Variants in UNC5B observed in about 807,000 individuals in gnomAD.
UNC5B encodes netrin receptor UNC5B.
A neutral mutation model predicts 103.7 loss-of-function variants in UNC5B; 56 were observed. The observed-to-expected ratio is 0.54, with a 90% CI of 0.44 to 0.67. The LOEUF is 0.67. UNC5B is among the 30% of genes least tolerant of loss of function. The pLI is 0.00. For missense variants in UNC5B, 1,194 were observed against 1,284.5 expected, an observed-to-expected ratio of 0.93 and a Z score of 1.08; for synonymous variants, 577 against 542.0, an observed-to-expected ratio of 1.06 and a Z score of -0.90.
chr10:71,223,901 A>G (rs1843503373), intron 1 of UNC5B, among the ~76,000 whole-genome samples: 1 of 152,190 alleles, frequency 6.6e-6, no homozygotes, highest in Non-Finnish European at 1.5e-5. Flanking sequence ...CTCTATAGCA[A>G]CTGCTACCAG....
intron 1 of UNC5B, among the ~76,000 whole-genome samples, chr10:71,263,024 G>C (rs993083754): frequency 4.6e-5 from 7 of 152,184 alleles, no homozygotes; most frequent in African/African-American, 1.7e-4. Context: ...AGGGCTCTCT[G>C]GGGAAGTGAA....
intron 1 of UNC5B, among the ~76,000 whole-genome samples, chr10:71,259,807 A>C (rs1243381295): frequency 6.6e-6 from 1 of 152,160 alleles, no homozygotes; most frequent in Non-Finnish European, 1.5e-5. Context: ...CAGCCAGGTC[A>C]GTGGGCGTGG....
At chr10:71,293,323 G>T (rs1005073421) in intron 11 of UNC5B, 82 bp from the exon 12 acceptor site, 36 of 1,489,800 alleles carry the variant, frequency 2.4e-5, no homozygotes, top group Non-Finnish European at 2.9e-5. Flanking sequence ...CCCGGGCCCT[G>T]GGCAGACTTG....
At chr10:71,241,309 CAG>C (rs1843896063) in intron 1 of UNC5B, among the ~76,000 whole-genome samples, 1 of 152,050 alleles carries the variant, frequency 6.6e-6, no homozygotes, top group South Asian at 2.1e-4. Flanking sequence ...AAGGCCCCCC[CAG>C]AGAGTCTGTA....
Position 71,293,702 on chromosome 10 carries a change from G to A in UNC5B, c.1944G>A (p.Glu648=), listed in dbSNP as rs1845329036. The change falls in exon 13 of 17, where the codon GAG becomes GAA. Residue 648 remains glutamate, a splice_region_variant and synonymous_variant. Transcript: ENST00000335350. ...KTQAHQGHWE[E]VVTLDEETLN... ...CCCACCCTTGCTGTCCCCTACAGGA[G>A]GTGGTGACCCTGGATGAGGAGACCC... 1.3e-6 allele frequency: 2 copies of A among 1,592,994 alleles called. No homozygotes were observed. Among genetic ancestry groups the A allele is most frequent in the Non-Finnish European group, 1.7e-6 (2 of 1,169,346 alleles).
chr10:71,238,127 A>C (rs556199868), intron 1 of UNC5B, among the ~76,000 whole-genome samples: 2 of 152,298 alleles, frequency 1.3e-5, no homozygotes, highest in African/African-American at 4.8e-5. Context: ...TGATCATTAA[A>C]AACTAGAGGT....
At chr10:71,243,829 TG>T (rs1227639059) in intron 1 of UNC5B, among the ~76,000 whole-genome samples, 1 of 152,262 alleles carries the variant, frequency 6.6e-6, no homozygotes, top group Non-Finnish European at 1.5e-5. Flanking sequence ...ATAATAACAT[TG>T]GTTGAGTTCT....
intron 1 of UNC5B, 55 bp from the exon 2 acceptor site, chr10:71,279,766 T>C (rs1589189350): frequency 6.4e-7 from 1 of 1,555,294 alleles, no homozygotes; most frequent in African/African-American, 1.4e-5. Context: ...GGGCGAGGGG[T>C]GCCACAGGGC....
Position 71,242,090 on chromosome 10 carries a change from C to T in UNC5B, c.79+29026C>T, listed in dbSNP as rs575331883. The stretch of plus-strand genomic sequence containing the variant: ...GAGGCCTGAGGCCCTTCTTCCTAGG[C>T]CAACCCCAGCCCCCTGGAGTGCAGT... On this transcript the variant is annotated intron_variant, in intron 1 of 16. Transcript: ENST00000335350. Among the ~76,000 whole-genome samples, 24 of 152,304 alleles carry T rather than the reference C, an allele frequency of 1.6e-4. No homozygotes were observed. In the South Asian group the frequency reaches 1.7e-3, roughly 11 times the overall value.
intron 16 of UNC5B, 95 bp downstream of exon 16, chr10:71,298,185 C>A (rs1845493571): frequency 1.3e-5 from 19 of 1,413,156 alleles, no homozygotes; most frequent in Non-Finnish European, 1.8e-5. Flanking sequence ...CCACGACCAT[C>A]TCCCAGACCA....
At chr10:71,247,821 C>T (rs1248030175) in intron 1 of UNC5B, among the ~76,000 whole-genome samples, 4 of 150,636 alleles carry the variant, frequency 2.7e-5, no homozygotes, top group Non-Finnish European at 5.9e-5. Flanking sequence ...TTTGCTTTGC[C>T]CTGGGATGTA....
intron 1 of UNC5B, among the ~76,000 whole-genome samples, chr10:71,220,810 G>C (rs1261190935): frequency 2.0e-5 from 3 of 152,182 alleles, no homozygotes; most frequent in African/African-American, 7.2e-5. Context: ...AGTGAAAGCT[G>C]GGAGGTCAGG....
chr10:71,223,797 C>T (rs1300439745), intron 1 of UNC5B, among the ~76,000 whole-genome samples: 4 of 145,970 alleles, frequency 2.7e-5, no homozygotes, highest in Non-Finnish European at 6.3e-5. Context: ...AGAATGCTTA[C>T]CGCATGGACA....
intron 2 of UNC5B, among the ~76,000 whole-genome samples, chr10:71,280,497 T>C (rs1325107964): frequency 6.6e-6 from 1 of 152,200 alleles, no homozygotes; most frequent in Non-Finnish European, 1.5e-5. Flanking sequence ...TGTGTTGAAA[T>C]AAATTGTTTT....
In UNC5B at chr10:71,287,692, C is replaced by T. The variant is rs760997998; in HGVS notation, c.828C>T (p.Pro276=). Residue 276 remains proline, a synonymous_variant, in exon 6 of 17, where the codon CCC becomes CCT. Transcript: ENST00000335350. ...AGCGCACCCGGACCTGCACCAACCC[C>T]GCTCCACTCAACGGAGGGGCCTTCT... ...WQKRTRTCTN[P]APLNGGAFCE... is the part of the protein sequence containing the mutation. 8 of 1,613,312 alleles carry T rather than the reference C, an allele frequency of 5.0e-6. No individual in the cohort carries two copies. In the Admixed American group the frequency reaches 6.7e-5, roughly 13 times the overall value.
chr10:71,284,042 G>A (rs1844998706), intron 2 of UNC5B, among the ~76,000 whole-genome samples: 1 of 152,224 alleles, frequency 6.6e-6, no homozygotes, highest in Non-Finnish European at 1.5e-5. Flanking sequence ...AATAATCTGA[G>A]TCCAGCTAAT....
intron 1 of UNC5B, among the ~76,000 whole-genome samples, chr10:71,275,359 T>C (rs1343983388): frequency 6.6e-6 from 1 of 152,180 alleles, no homozygotes; most frequent in Non-Finnish European, 1.5e-5. Flanking sequence ...ATGTGGTTCC[T>C]CTGTAGAGAC....
At position 71,294,366 on chromosome 10, in the gene UNC5B, G is replaced by A. The variant is rs528324292; in HGVS notation, c.2175+433G>A. Among the ~76,000 whole-genome samples the A allele has an allele frequency of 5.9e-5, 9 of 152,346 alleles. No homozygotes were observed. In the East Asian group the frequency reaches 9.6e-4, roughly 16 times the overall value. The stretch of plus-strand genomic sequence containing the variant: ...GGAATGTGTGAATGTGAGGGCGGGC[G>A]AGATGGGCAGGGCTCAGCTTCCCAG... On this transcript the variant is annotated intron_variant, in intron 13 of 16. Transcript: ENST00000335350.
At chr10:71,299,084 A>G (rs749985244) in intron 16 of UNC5B, 28 bp from the exon 17 acceptor site, 4 of 1,612,838 alleles carry the variant, frequency 2.5e-6, no homozygotes, top group Non-Finnish European at 3.4e-6. Flanking sequence ...GTGCTTGGGA[A>G]CCTCAGTGCC....
Sources: allele counts gnomAD v4.1 joint callset (sites outside exome capture counted in the v4.1 genomes callset), GRCh38; gene constraint gnomAD v4.1.1; transcripts MANE v1.5; gene names NCBI Gene and HGNC (gene_info 2026-07-23, HGNC 2026-07-21).